ACOT9: variants seen among roughly 807,000 people sequenced by gnomAD.
ACOT9 encodes acyl-CoA thioesterase 9.
ACOT9 carries 34 observed loss-of-function variants against 39.7 expected under a neutral mutation model. The observed-to-expected ratio is 0.86, with a 90% CI of 0.65 to 1.14. The LOEUF is 1.14. Among genes scored for constraint, ACOT9 ranks in the 50% most tolerant of loss-of-function variants. The pLI is 0.00. For synonymous variants in ACOT9, 110 were observed against 120.5 expected, an observed-to-expected ratio of 0.91 and a Z score of 0.57; for missense variants, 313 against 344.1, an observed-to-expected ratio of 0.91 and a Z score of 0.71.
In ACOT9 at chrX:23,701,696, G is replaced by A. The variant is rs62585922; in HGVS notation, c.*2198C>T. ...TATGTTTCCCAGGCTGGTCTCAAGC[G>A]ATCCTCCCATCTCAGTCTCCCAAAG... On this transcript the variant is annotated 3_prime_UTR_variant, in exon 16 of 16. Transcript: ENST00000379303. Among the ~76,000 whole-genome samples, 28,983 of 110,091 alleles carry A rather than the reference G, an allele frequency of 0.26. 2,953 individuals are homozygous for A. Among genetic ancestry groups the A allele is most frequent in the Non-Finnish European group, 0.32 (16,752 of 52,555 alleles).
intron 7 of ACOT9, 137 bp downstream of exon 7, chrX:23,722,533 C>T (rs6629731): frequency 0.29 from 116,737 of 404,490 alleles, 13,519 homozygotes; most frequent in African/African-American, 0.47. Flanking sequence ...CATTACACTC[C>T]GGCCTGGGTG....
intron 1 of ACOT9, among the ~76,000 whole-genome samples, chrX:23,741,560 AAAAAG>A (rs768028107): frequency 5.9e-4 from 66 of 111,895 alleles, no homozygotes; most frequent in Middle Eastern, 4.6e-3. Context: ...TGCAAGTCTA[AAAAAG>A]AAAAGAAGCT....
intron 6 of ACOT9, among the ~76,000 whole-genome samples, chrX:23,730,171 C>T (rs997428974): frequency 4.0e-4 from 38 of 95,242 alleles, no homozygotes; most frequent in Middle Eastern, 7.9e-3. Context: ...CTCAGCTCAC[C>T]GCAACCTCTG....
At chrX:23,711,629 T>C (rs1231506225) in intron 9 of ACOT9, among the ~76,000 whole-genome samples, 1 of 111,878 alleles carries the variant, frequency 8.9e-6, no homozygotes, top group Non-Finnish European at 1.9e-5. Context: ...GCAGTGGACA[T>C]TGAAAGCACT....
chrX:23,734,401 C>T (rs1237621705), intron 2 of ACOT9, 34 bp from the exon 3 acceptor site: 5 of 1,106,407 alleles, frequency 4.5e-6, no homozygotes, highest in Admixed American at 2.4e-5. Context: ...ATTAGAGAAC[C>T]AGCAATAATT....
In ACOT9 at chrX:23,702,997, C is replaced by G. The variant is rs938409615; in HGVS notation, c.*897G>C. On this transcript the variant is annotated 3_prime_UTR_variant, in exon 16 of 16. Transcript: ENST00000379303. The stretch of plus-strand genomic sequence containing the variant: ...GCTGTCTGGTGAATGAAAGAATGAC[C>G]AAATGGTCCTGTATTTCCTTATCTA... 1.8e-5 allele frequency: 2 copies of G among 112,343 alleles called. No individual in the cohort carries two copies. The highest frequency in any genetic ancestry group is 3.8e-5 in the Non-Finnish European group (2 of 53,299). 9.3% of individuals were successfully genotyped at this position (112,343 alleles called of 1,213,427 possible).
chrX:23,736,631 C>A (rs1410858730), intron 1 of ACOT9, among the ~76,000 whole-genome samples: 1 of 110,771 alleles, frequency 9.0e-6, no homozygotes, highest in Non-Finnish European at 1.9e-5. Flanking sequence ...CCAGCCTGGG[C>A]AACATGGCAA....
chrX:23,714,084 T>C (rs1035865326), intron 8 of ACOT9, among the ~76,000 whole-genome samples: 5 of 111,045 alleles, frequency 4.5e-5, no homozygotes, highest in African/African-American at 1.6e-4. Flanking sequence ...TGAGATGGGC[T>C]GCTGGCATGG....
chrX:23,705,138 G>A, intron 13 of ACOT9, 58 bp from the exon 14 acceptor site: 1 of 1,014,676 alleles, frequency 9.9e-7, no homozygotes, highest in Non-Finnish European at 1.4e-6. Flanking sequence ...GATCTCAATT[G>A]TTTCCTCTAA....
intron 8 of ACOT9, among the ~76,000 whole-genome samples, chrX:23,719,906 G>A (rs62585952): frequency 0.18 from 19,850 of 107,975 alleles, 1,663 homozygotes; most frequent in Non-Finnish European, 0.26. Flanking sequence ...GTGTGATCTC[G>A]GCTCACTGCA....
Position 23,707,955 on chromosome X carries a change from G to GA in ACOT9, c.663-12dup. 7.7e-6 allele frequency: 9 copies of GA among 1,172,101 alleles called. No homozygotes were observed. The highest frequency in any genetic ancestry group is 1.9e-5 in the South Asian group (1 of 52,092). ...TTTACAAATGCCGGCCTAAAAAGAA[G>GA]AAAAAAAAGAATATAATTTAAGATA... On this transcript the variant is annotated splice_polypyrimidine_tract_variant and intron_variant, in intron 9 of 15. Transcript: ENST00000379303.
In ACOT9 at chrX:23,743,209, T is replaced by C; in HGVS notation, c.-65A>G. 10 of 1,123,837 alleles carry C rather than the reference T, an allele frequency of 8.9e-6. No individual in the cohort carries two copies. Among genetic ancestry groups the C allele is most frequent in the Non-Finnish European group, 1.2e-5 (10 of 845,409 alleles). The allele number at this position is 1,123,837 out of a possible 1,213,427, so 92.6% of individuals were successfully genotyped here. On this transcript the variant is annotated 5_prime_UTR_variant, in exon 1 of 16. Transcript: ENST00000379303. ...CGCGCGCTAGTCGGCGGAGGGAAAC[T>C]GAGGCGATAAAAGACGCACGAGTAC... is the stretch of plus-strand genomic sequence containing the variant.
intron 4 of ACOT9, 26 bp from the exon 5 acceptor site, chrX:23,731,012 T>C (rs1301218930): frequency 1.7e-6 from 2 of 1,184,401 alleles, no homozygotes; most frequent in Non-Finnish European, 2.3e-6. Flanking sequence ...GCAGGATTCA[T>C]AAAACAAGAG....
At chrX:23,704,943 G>A (rs1394205410) in intron 14 of ACOT9, 50 bp downstream of exon 14, 1 of 1,181,074 alleles carries the variant, frequency 8.5e-7, no homozygotes, top group Non-Finnish European at 1.1e-6. Flanking sequence ...GAAACTTCTA[G>A]GCTCAAATGA....
At chrX:23,732,406 T>C (rs1323933811) in intron 4 of ACOT9, among the ~76,000 whole-genome samples, 2 of 112,079 alleles carry the variant, frequency 1.8e-5, no homozygotes, top group East Asian at 5.6e-4. Context: ...TGAAGTGTCA[T>C]GGTGTCTATA....
At chrX:23,722,469 C>T (rs974820545) in intron 7 of ACOT9, among the ~76,000 whole-genome samples, 5 of 109,213 alleles carry the variant, frequency 4.6e-5, no homozygotes, top group Non-Finnish European at 9.5e-5. Flanking sequence ...GAGGCTGAGG[C>T]AGGAGAATTG....
At chrX:23,705,636 G>A (rs765493194) in intron 12 of ACOT9, 42 bp from the exon 13 acceptor site, 2 of 1,154,253 alleles carry the variant, frequency 1.7e-6, no homozygotes, top group Admixed American at 4.4e-5. Context: ...AAAACTTATG[G>A]CCACCTTTGT....
chrX:23,726,923 G>A (rs764017242), intron 6 of ACOT9, among the ~76,000 whole-genome samples: 2 of 111,842 alleles, frequency 1.8e-5, no homozygotes, highest in African/African-American at 6.5e-5. Context: ...AGGCTCAAGC[G>A]ATTCTCGTGC....
At chrX:23,706,973 C>CAT (rs910775931) in intron 10 of ACOT9, 4 of 274,195 alleles carry the variant, frequency 1.5e-5, no homozygotes, top group African/African-American at 1.1e-4. Context: ...TGCAGTTATC[C>CAT]CATTGAGATG....
Sources: gnomAD v4.1 joint callset for allele counts (sites outside exome capture counted in the v4.1 genomes callset) on GRCh38, gnomAD v4.1.1 for gene constraint, MANE v1.5 for transcripts, NCBI Gene and HGNC (gene_info 2026-07-23, HGNC 2026-07-21) for gene names.